BCAS3: variants seen among roughly 807,000 people sequenced by gnomAD.
BCAS3 encodes the protein BCAS4/BCAS3 fusion.
In BCAS3, 53 loss-of-function variants were observed where a neutral mutation model predicts 116.1. The observed-to-expected ratio is 0.46, with a 90% CI of 0.37 to 0.57. The LOEUF (loss-of-function observed/expected upper bound fraction) is 0.57. Ranked by LOEUF, BCAS3 falls within the 20% of genes least tolerant of loss-of-function variation. The pLI is 0.00. For missense variants in BCAS3, 917 were observed against 1,165.4 expected, an observed-to-expected ratio of 0.79 and a Z score of 3.10; for synonymous variants, 391 against 408.2, an observed-to-expected ratio of 0.96 and a Z score of 0.51.
Position 60,750,996 on chromosome 17 carries a change from T to C in BCAS3, c.403+3717T>C, listed in dbSNP as rs367795740. On this transcript the variant is annotated intron_variant, in intron 6 of 23. Coordinates refer to ENST00000407086, the MANE Select transcript of BCAS3 (RefSeq NM_017679.5). ...GCTTTATACAAGGTATTAATAAATA[T>C]TTGTTGAATGTTGCTGGATTGTATA... Among the ~76,000 whole-genome samples, 7 of 152,330 alleles carry C rather than the reference T, an allele frequency of 4.6e-5. No individual in the cohort carries two copies. In the East Asian group the frequency reaches 7.7e-4, roughly 17 times the overall value.
At position 61,243,056 on chromosome 17, in the gene BCAS3, C is replaced by T. The variant is rs775940097; in HGVS notation, c.2426-125271C>T. On this transcript the variant is annotated intron_variant, in intron 22 of 23. Transcript: ENST00000407086. This position sits in a 1 kb window ranked among gnomAD's most constrained non-coding sequence, Gnocchi z 5.6. Reference sequence around the variant, plus strand: ...CCTCCCAAGTAGCTGGGACTACAGGCGCGCACCACCACACCCATCTAATTT... The same window carrying T: ...CCTCCCAAGTAGCTGGGACTACAGGTGCGCACCACCACACCCATCTAATTT... Among the ~76,000 whole-genome samples the T allele has an allele frequency of 1.0e-3, 155 of 152,042 alleles. No homozygotes were observed. The highest frequency in any genetic ancestry group is 2.1e-3 in the South Asian group (10 of 4,810).
chr17:60,682,283 T>C (rs1038026508), intron 2 of BCAS3, among the ~76,000 whole-genome samples: 2 of 152,152 alleles, frequency 1.3e-5, no homozygotes, highest in Non-Finnish European at 2.9e-5. Flanking sequence ...AAGGTCTTGA[T>C]TCAAAGAAGA....
intron 13 of BCAS3, 94 bp downstream of exon 13, chr17:60,924,594 T>C: frequency 1.1e-6 from 1 of 918,324 alleles, no homozygotes; most frequent in South Asian, 1.6e-5. Flanking sequence ...ATCTGACTTT[T>C]CTTCATGTAT....
rs905239233 is a variant in BCAS3, at chr17:61,140,996, G to A, written c.2425+56432G>A. Among the ~76,000 whole-genome samples the A allele has an allele frequency of 4.6e-5, 7 of 151,912 alleles. No individual in the cohort carries two copies. Among genetic ancestry groups the A allele is most frequent in the African/African-American group, 9.7e-5 (4 of 41,348 alleles). On this transcript the variant is annotated intron_variant, in intron 22 of 23. Transcript: ENST00000407086. This position sits in a 1 kb window ranked among gnomAD's most constrained non-coding sequence, Gnocchi z 4.2. ...GTGAAATGGGGCAGGCATGAAGCCC[G>A]TGAGAGATCATTGCTACCACTTCTA...
chr17:60,848,653 T>A lies in BCAS3; in HGVS notation c.477-19923T>A, dbSNP rs549442282. ...CAGTTTTTCTTTATTGAATATGGAG[T>A]TAGCTGTGGGTTTTTCATGAGCCAT... On this transcript the variant is annotated intron_variant, in intron 7 of 23. Transcript: ENST00000407086. 6.6e-5 allele frequency among the ~76,000 whole-genome samples: 10 copies of A among 152,126 alleles called. No homozygotes were observed. In the East Asian group the frequency reaches 1.7e-3, roughly 27 times the overall value.
In BCAS3 at chr17:61,037,747, G is replaced by C; in HGVS notation, c.1763-142G>C. The C allele has an allele frequency of 1.2e-6, 1 of 842,556 alleles. No individual in the cohort carries two copies. Among genetic ancestry groups the C allele is most frequent in the Admixed American group, 2.9e-5 (1 of 34,762 alleles). 52.2% of individuals were successfully genotyped at this position (842,556 alleles called of 1,614,324 possible). A position where few individuals can be genotyped will look rare whatever the true frequency, so the allele number is the denominator to read the frequency against. ...AGCAAAACTCCATCTCCAAAAAAAA[G>C]AAAAAAAGAAAAAAATTCCTGTCTT... On this transcript the variant is annotated intron_variant, in intron 17 of 23. Transcript: ENST00000407086. This position sits in a 1 kb window ranked among gnomAD's most constrained non-coding sequence, Gnocchi z 4.7.
At chr17:60,865,412 C>A (rs2054507183) in intron 7 of BCAS3, among the ~76,000 whole-genome samples, 1 of 152,110 alleles carries the variant, frequency 6.6e-6, no homozygotes, top group Non-Finnish European at 1.5e-5. Context: ...AACTCCCAAT[C>A]CAAGAACATG....
At chr17:60,806,844 C>G (rs1568293510) in intron 6 of BCAS3, among the ~76,000 whole-genome samples, 1 of 152,126 alleles carries the variant, frequency 6.6e-6, no homozygotes, top group Non-Finnish European at 1.5e-5. Context: ...TCATATGATT[C>G]AGAACCATTT....
chr17:61,096,345 A>G (rs1267241228), intron 22 of BCAS3, among the ~76,000 whole-genome samples: 1 of 152,124 alleles, frequency 6.6e-6, no homozygotes, highest in Admixed American at 6.5e-5. Flanking sequence ...TGTATAATAA[A>G]CTTGTATCCC....
chr17:61,374,899 A>G (rs1465126203), intron 23 of BCAS3, among the ~76,000 whole-genome samples: 1 of 152,224 alleles, frequency 6.6e-6, no homozygotes, highest in Non-Finnish European at 1.5e-5. Context: ...TTCACAATAC[A>G]TTGGTGAATG....
chr17:60,700,399 CT>C (rs925374423), intron 4 of BCAS3, among the ~76,000 whole-genome samples: 10 of 152,062 alleles, frequency 6.6e-5, no homozygotes, highest in African/African-American at 2.4e-4. Flanking sequence ...GGTAATGATG[CT>C]TTTCACCAAA....
chr17:61,257,950 C>T (rs2048916511), intron 22 of BCAS3, among the ~76,000 whole-genome samples: 1 of 152,154 alleles, frequency 6.6e-6, no homozygotes, highest in Admixed American at 6.5e-5. Context: ...TTTCTTAGAT[C>T]AATTCTTTGC....
chr17:61,237,417 G>C (rs1270023530), intron 22 of BCAS3, among the ~76,000 whole-genome samples: 1 of 152,184 alleles, frequency 6.6e-6, no homozygotes, highest in Non-Finnish European at 1.5e-5. Flanking sequence ...AACATGGGTG[G>C]GGACAAATAA....
chr17:60,797,586 A>G (rs1336028384), intron 6 of BCAS3, among the ~76,000 whole-genome samples: 2 of 151,990 alleles, frequency 1.3e-5, no homozygotes, highest in South Asian at 2.1e-4. Context: ...CAGAATGTGC[A>G]TGTTTGTTAC....
At chr17:61,152,409 G>GA (rs1158092501) in intron 22 of BCAS3, among the ~76,000 whole-genome samples, 1 of 152,072 alleles carries the variant, frequency 6.6e-6, no homozygotes, top group Non-Finnish European at 1.5e-5. Flanking sequence ...GCTAGCTACA[G>GA]AGCGCTGATT....
At chr17:61,294,841 C>T (rs945338316) in intron 22 of BCAS3, among the ~76,000 whole-genome samples, 1 of 152,230 alleles carries the variant, frequency 6.6e-6, no homozygotes, top group African/African-American at 2.4e-5. Flanking sequence ...AAGGCAGTTT[C>T]TCTTGAGACT....
In BCAS3 at chr17:61,122,149, C is replaced by T. The variant is rs983073301; in HGVS notation, c.2425+37585C>T. Among the ~76,000 whole-genome samples the T allele has an allele frequency of 2.0e-5, 3 of 152,152 alleles. No individual in the cohort carries two copies. The highest frequency in any genetic ancestry group is 6.5e-5 in the Admixed American group (1 of 15,276). ...AATAGGAAGAGTATTGAACAGTCTCCCTTCCCCCAGTTTTAATCACAACTA... is the reference window on the plus strand; with the variant it reads ...AATAGGAAGAGTATTGAACAGTCTCTCTTCCCCCAGTTTTAATCACAACTA... On this transcript the variant is annotated intron_variant, in intron 22 of 23. Transcript: ENST00000407086. This position sits in a 1 kb window ranked among gnomAD's most constrained non-coding sequence, Gnocchi z 4.6.
chr17:61,045,902 TAA>T (rs574340037), intron 19 of BCAS3, among the ~76,000 whole-genome samples: 1 of 36,094 alleles, frequency 2.8e-5, no homozygotes, highest in East Asian at 8.4e-4. Flanking sequence ...ATAATATATA[TAA>T]ATATATATTT....
intron 2 of BCAS3, among the ~76,000 whole-genome samples, chr17:60,681,216 A>G (rs1645360158): frequency 6.6e-6 from 1 of 151,758 alleles, no homozygotes; most frequent in South Asian, 2.1e-4. Context: ...AAAAAAATAT[A>G]TGTCTGGGCG....
Sources: allele counts gnomAD v4.1 joint callset (sites outside exome capture counted in the v4.1 genomes callset), GRCh38; gene constraint gnomAD v4.1.1; non-coding constraint Gnocchi (gnomAD v3.1); transcripts MANE v1.5; gene names NCBI Gene and HGNC (gene_info 2026-07-23, HGNC 2026-07-21).